The following NCOA7 variants were observed in gnomAD, a reference collection of about 807,000 sequenced individuals.
NCOA7 encodes nuclear receptor coactivator 7.
A neutral mutation model predicts 104.3 loss-of-function variants in NCOA7; 45 were observed. The ratio of observed to expected loss-of-function variants is 0.43; its 90% CI spans 0.34 to 0.55. The LOEUF (loss-of-function observed/expected upper bound fraction) is 0.55. NCOA7 is among the 20% of genes least tolerant of loss of function. The pLI is 0.02. For missense variants in NCOA7, 1,041 were observed against 1,119.7 expected, an observed-to-expected ratio of 0.93 and a Z score of 1.00; for synonymous variants, 398 against 402.3, an observed-to-expected ratio of 0.99 and a Z score of 0.13.
chr6:125,824,406 G>T (rs1194502091), intron 2 of NCOA7, among the ~76,000 whole-genome samples: 1 of 152,104 alleles, frequency 6.6e-6, no homozygotes, highest in Non-Finnish European at 1.5e-5. Flanking sequence ...GGAGCTTTGG[G>T]TCTAGTTTTC....
At chr6:125,904,321 AT>A (rs899957578) in intron 10 of NCOA7, among the ~76,000 whole-genome samples, 1 of 152,036 alleles carries the variant, frequency 6.6e-6, no homozygotes, top group Non-Finnish European at 1.5e-5. Context: ...CTGTGCTAAC[AT>A]TTTTTTGTTT....
At chr6:125,829,331 TTAAG>T (rs1490265338) in intron 2 of NCOA7, among the ~76,000 whole-genome samples, 4 of 152,226 alleles carry the variant, frequency 2.6e-5, no homozygotes, top group Non-Finnish European at 5.9e-5. Flanking sequence ...CTTGGTGGTA[TTAAG>T]TTTTTCCTTA....
chr6:125,804,780 AT>A (rs1441702553), intron 1 of NCOA7, among the ~76,000 whole-genome samples: 6 of 151,980 alleles, frequency 3.9e-5, no homozygotes, highest in South Asian at 2.1e-4. Context: ...AAAGAAATAA[AT>A]TTTTTTTTAA....
Position 125,889,595 on chromosome 6 carries a change from A to G in NCOA7, c.1541A>G (p.His514Arg), listed in dbSNP as rs774715567. The change falls in exon 9 of 16, where the codon CAT becomes CGT. Residue 514 changes from histidine (H) to arginine (R), a missense_variant. Physicochemically the swap from His to Arg is conservative, Grantham distance 29. Transcript: ENST00000392477. ...CGAGTAGAAAACACACTGAACATAC[A>G]TGAAGATTTAGATAAAGTTAAACTC... ...ESRVENTLNI[H>R]EDLDKVKLIE... 20 of 1,613,970 alleles carry G rather than the reference A, an allele frequency of 1.2e-5. No homozygotes were observed. The South Asian group carries it at 1.8e-4, about 14-fold the overall frequency.
rs546589425 is a variant in NCOA7, at chr6:125,889,530, A to G, written c.1476A>G (p.Ile492Met). 2 of 1,614,142 alleles carry G rather than the reference A, an allele frequency of 1.2e-6. No homozygotes were observed. Among genetic ancestry groups the G allele is most frequent in the East Asian group, 2.2e-5 (1 of 44,854 alleles). Residue 492 changes from isoleucine (I) to methionine (M), a missense_variant, in exon 9 of 16, where the codon ATA (isoleucine) becomes ATG (methionine). Physicochemically the swap from Ile to Met is conservative, Grantham distance 10. This residue lies in a region of NCOA7 where 914 missense variants were observed against 942.7 expected (regional missense o/e 0.97). Transcript: ENST00000392477. The stretch of plus-strand genomic sequence containing the variant: ...TAGAAACCTGTGAGAAGCAAGATAT[A>G]ATGCCAGAAGTGGACAAGCAGTCTG... The part of the protein sequence containing the change: ...LDLETCEKQD[I>M]MPEVDKQSGS...
chr6:125,782,082 G>A (rs1042628660), intron 1 of NCOA7, among the ~76,000 whole-genome samples: 2 of 152,098 alleles, frequency 1.3e-5, no homozygotes, highest in African/African-American at 2.4e-5. Context: ...AAAAAGAAAT[G>A]TAAAATATCG....
chr6:125,813,052 C>T (rs2128568224), intron 1 of NCOA7, among the ~76,000 whole-genome samples: 1 of 152,330 alleles, frequency 6.6e-6, no homozygotes, highest in East Asian at 1.9e-4. Flanking sequence ...AATCCTCTCA[C>T]GTCAATCCTC....
intron 3 of NCOA7, among the ~76,000 whole-genome samples, chr6:125,857,132 T>C (rs368593915): frequency 2.0e-5 from 3 of 152,256 alleles, no homozygotes; most frequent in East Asian, 1.9e-4. Context: ...GTCAACCTGT[T>C]GAAAGATACT....
At chr6:125,884,795 C>G (rs1167428828) in intron 7 of NCOA7, among the ~76,000 whole-genome samples, 2 of 152,320 alleles carry the variant, frequency 1.3e-5, no homozygotes, top group South Asian at 2.1e-4. Context: ...CCTGTATTCT[C>G]GATCGGGTAA....
At chr6:125,914,109 T>C (rs1786830508) in intron 10 of NCOA7, among the ~76,000 whole-genome samples, 1 of 152,202 alleles carries the variant, frequency 6.6e-6, no homozygotes, top group African/African-American at 2.4e-5. Context: ...TGGGAACTAA[T>C]CTTGAGGAAA....
intron 10 of NCOA7, among the ~76,000 whole-genome samples, chr6:125,892,309 T>C (rs1027817102): frequency 6.6e-6 from 1 of 152,202 alleles, no homozygotes; most frequent in Non-Finnish European, 1.5e-5. Context: ...CCCACACATG[T>C]AATTATTTTA....
At chr6:125,925,698 G>A (rs1787961795) in intron 13 of NCOA7, among the ~76,000 whole-genome samples, 1 of 152,152 alleles carries the variant, frequency 6.6e-6, no homozygotes, top group South Asian at 2.1e-4. Context: ...GTCTGCTAAG[G>A]AAGTTGAGAG....
chr6:125,806,282 C>T (rs1776443076), intron 1 of NCOA7, among the ~76,000 whole-genome samples: 2 of 152,082 alleles, frequency 1.3e-5, no homozygotes, highest in African/African-American at 4.8e-5. Flanking sequence ...GGGGGATTAC[C>T]GTGAGCCGAG....
Position 125,815,349 on chromosome 6 carries a change from T to C in NCOA7, c.-6T>C. On this transcript the variant is annotated 5_prime_UTR_variant, in exon 2 of 16. Transcript: ENST00000392477. Reference sequence around the variant, plus strand: ...TTCAAATACTTTGCACTTTTGATTGTGTATTATGGATACCAAGGAAGAGAA... The same window carrying C: ...TTCAAATACTTTGCACTTTTGATTGCGTATTATGGATACCAAGGAAGAGAA... 1 of 1,602,718 alleles carries C rather than the reference T, an allele frequency of 6.2e-7. No individual in the cohort carries two copies. Among genetic ancestry groups the C allele is most frequent in the South Asian group, 1.1e-5 (1 of 88,144 alleles).
At chr6:125,834,490 T>A (rs946919774) in intron 2 of NCOA7, among the ~76,000 whole-genome samples, 1 of 152,206 alleles carries the variant, frequency 6.6e-6, no homozygotes, top group Non-Finnish European at 1.5e-5. Context: ...GGTGAGCTAC[T>A]GAGGTCTTAA....
Position 125,889,327 on chromosome 6 carries a change from C to G in NCOA7, c.1273C>G (p.Gln425Glu). The G allele has an allele frequency of 3.7e-6, 6 of 1,614,110 alleles. No homozygotes were observed. Among genetic ancestry groups the G allele is most frequent in the Non-Finnish European group, 5.1e-6 (6 of 1,179,992 alleles). The change falls in exon 9 of 16, where the codon CAA becomes GAA. Residue 425 changes from glutamine (Q) to glutamate (E), a missense_variant. By Grantham distance (29) the Gln-to-Glu change is conservative. This residue lies in a region of NCOA7 where 914 missense variants were observed against 942.7 expected (regional missense o/e 0.97). Transcript: ENST00000392477. The part of the protein sequence containing the change: ...DFVDLEELSS[Q>E]TGGGMHKKDT... ...TGTTGACTTGGAAGAACTTTCTTCT[C>G]AAACTGGTGGTGGAATGCACAAAAA...
Position 125,889,201 on chromosome 6 carries a change from G to C in NCOA7, c.1147G>C (p.Gly383Arg), listed in dbSNP as rs1784450405. The change falls in exon 9 of 16, where the codon GGT becomes CGT. Residue 383 changes from glycine (G) to arginine (R), a missense_variant. Coordinates refer to ENST00000392477, the MANE Select transcript of NCOA7 (RefSeq NM_181782.5). ...KLDSSRETSH[G>R]SPTVTKLSKE... ...GGACTCCTCTAGGGAGACATCCCAT[G>C]GTTCTCCCACAGTGACTAAGCTCAG... is the stretch of plus-strand genomic sequence containing the variant. The C allele has an allele frequency of 6.2e-7, 1 of 1,613,872 alleles. No individual in the cohort carries two copies. The highest frequency in any genetic ancestry group is 1.7e-5 in the Admixed American group (1 of 59,982).
Position 125,920,815 on chromosome 6 carries a change from G to T in NCOA7, c.2245-128G>T, listed in dbSNP as rs1335615409. 5 of 1,207,150 alleles carry T rather than the reference G, an allele frequency of 4.1e-6. No homozygotes were observed. The East Asian group carries it at 8.3e-5, about 20-fold the overall frequency. The allele number at this position is 1,207,150 out of a possible 1,614,324, so 74.8% of individuals were successfully genotyped here. A position where few individuals can be genotyped will look rare whatever the true frequency, so the allele number is the denominator to read the frequency against. ...AAATTAGCCATTTCCCCAAAGTCCT[G>T]TTCAGTTGATTTCCTGCTGCCGAAG... On this transcript the variant is annotated intron_variant, in intron 11 of 15. Coordinates refer to ENST00000392477, the MANE Select transcript of NCOA7 (RefSeq NM_181782.5).
At chr6:125,799,255 C>T (rs1285611336) in intron 1 of NCOA7, among the ~76,000 whole-genome samples, 2 of 150,962 alleles carry the variant, frequency 1.3e-5, no homozygotes, top group East Asian at 3.9e-4. Context: ...CAAGCCTTTG[C>T]TGTCCTTGCT....
Sources: allele counts gnomAD v4.1 joint callset (sites outside exome capture counted in the v4.1 genomes callset), GRCh38; gene constraint gnomAD v4.1.1; regional missense constraint gnomAD v4.1.1; transcripts MANE v1.5; gene names NCBI Gene and HGNC (gene_info 2026-07-23, HGNC 2026-07-21).